Variants in SAP130 observed in about 807,000 individuals in gnomAD.
SAP130 encodes the protein Sin3A associated protein 130, also known as histone deacetylase complex subunit SAP130.
Under a neutral mutation model 103.2 loss-of-function variants are expected in SAP130, and 16 were observed. The observed-to-expected ratio is 0.16, with a 90% confidence interval of 0.10 to 0.24. The LOEUF (loss-of-function observed/expected upper bound fraction) is 0.24, where lower values mean the gene tolerates loss of function less well. Among genes scored for constraint, SAP130 ranks in the 10% least tolerant of loss-of-function variants. The probability of loss-of-function intolerance (pLI) is 1.00; values close to 1 mark genes in which losing one functional copy is unlikely to be tolerated. For synonymous variants in SAP130, 477 were observed against 497.0 expected, an observed-to-expected ratio of 0.96 and a Z score of 0.53; for missense variants, 990 against 1,359.7, an observed-to-expected ratio of 0.73 and a Z score of 4.28.
At chr2:127,954,108 A>G (rs1296303437) in intron 16 of SAP130, among the ~76,000 whole-genome samples, 1 of 152,214 alleles carries the variant, frequency 6.6e-6, no homozygotes, top group East Asian at 1.9e-4. Flanking sequence ...GAGTAGCATA[A>G]CTGAGGGTGC....
intron 2 of SAP130, among the ~76,000 whole-genome samples, chr2:128,021,170 C>T (rs373401491): frequency 5.3e-5 from 8 of 151,962 alleles, no homozygotes; most frequent in Admixed American, 4.6e-4. Context: ...GTGATGTGGC[C>T]GGGCGTGGTG....
chr2:127,944,347 A>T (rs1678916758), intron 19 of SAP130, among the ~76,000 whole-genome samples: 1 of 152,010 alleles, frequency 6.6e-6, no homozygotes, highest in Admixed American at 6.6e-5. Flanking sequence ...CTTATGTTCT[A>T]TTAAAAAAAA....
chr2:128,000,243 C>T (rs1683458576), intron 8 of SAP130, 64 bp downstream of exon 8: 2 of 1,609,970 alleles, frequency 1.2e-6, no homozygotes, highest in Non-Finnish European at 1.7e-6. Flanking sequence ...GCCCTCAGCA[C>T]ATTTTGCCCA....
chr2:128,006,758 T>C (rs1684004437), intron 7 of SAP130, among the ~76,000 whole-genome samples: 1 of 152,226 alleles, frequency 6.6e-6, no homozygotes, highest in Admixed American at 6.5e-5. Flanking sequence ...CCAACCTGGC[T>C]GGCGGAGCAA....
chr2:128,027,275 C>T (rs1239491561), intron 1 of SAP130: 4 of 1,170,008 alleles, frequency 3.4e-6, no homozygotes, highest in South Asian at 4.3e-5. Context: ...ACCCGGCCGC[C>T]GCTGTGCTCG....
chr2:128,001,984 T>C (rs1559086498), intron 7 of SAP130, among the ~76,000 whole-genome samples: 3 of 151,918 alleles, frequency 2.0e-5, no homozygotes, highest in East Asian at 3.9e-4. Context: ...TGGAGTGCAA[T>C]GGCATGATCT....
intron 15 of SAP130, among the ~76,000 whole-genome samples, chr2:127,965,528 G>A (rs960941881): frequency 5.3e-5 from 8 of 152,114 alleles, no homozygotes; most frequent in Non-Finnish European, 7.4e-5. Context: ...GGTGGCTCAC[G>A]CCTGTAATCC....
At chr2:128,024,718 A>AG (rs1685385626) in intron 2 of SAP130, among the ~76,000 whole-genome samples, 1 of 150,668 alleles carries the variant, frequency 6.6e-6, no homozygotes, top group Non-Finnish European at 1.5e-5. Context: ...AAATGCGAAA[A>AG]AAAAAAAAAA....
Position 127,986,629 on chromosome 2 carries a change from G to GAAT in SAP130, c.1958+153_1958+155dup, listed in dbSNP as rs1248637283. 6.6e-6 allele frequency among the ~76,000 whole-genome samples: 1 copy of GAAT among 152,194 alleles called. No individual in the cohort carries two copies. On this transcript the variant is annotated intron_variant, in intron 14 of 20. Transcript: ENST00000643581. The surrounding 1 kb of genome is among the most constrained non-coding windows in gnomAD (Gnocchi z 4.7). ...AGTCTCAGCTGGGTAAGGCTCTACT[G>GAAT]AATAATCCTGTGGTCAAGTTGTTTT...
intron 10 of SAP130, 68 bp downstream of exon 10, chr2:127,999,673 T>C (rs181618479): frequency 1.5e-5 from 11 of 746,112 alleles, no homozygotes; most frequent in African/African-American, 1.1e-4. Context: ...GCCATCACCA[T>C]GAAGGCCTAG....
At chr2:127,974,247 G>A (rs954282128) in intron 15 of SAP130, among the ~76,000 whole-genome samples, 1 of 152,040 alleles carries the variant, frequency 6.6e-6, no homozygotes, top group African/African-American at 2.4e-5. Flanking sequence ...ACCCTCCAAT[G>A]GCTCTCCGTC....
At chr2:127,975,147 CTGG>C (rs1681368849) in intron 15 of SAP130, among the ~76,000 whole-genome samples, 1 of 152,198 alleles carries the variant, frequency 6.6e-6, no homozygotes, top group South Asian at 2.1e-4. Flanking sequence ...CTTCTTAAGT[CTGG>C]TAATGATCAA....
chr2:127,981,949 A>T (rs1293448929), intron 14 of SAP130, among the ~76,000 whole-genome samples: 1 of 152,220 alleles, frequency 6.6e-6, no homozygotes, highest in Non-Finnish European at 1.5e-5. Context: ...AAGCAGCTCA[A>T]TAAAGCTTGC....
intron 15 of SAP130, among the ~76,000 whole-genome samples, chr2:127,970,950 T>C (rs1438315868): frequency 6.6e-6 from 1 of 151,980 alleles, no homozygotes; most frequent in Non-Finnish European, 1.5e-5. Flanking sequence ...TTCTTTTATC[T>C]TTCTCTCTTT....
chr2:127,981,256 C>T (rs1051687917), intron 14 of SAP130, among the ~76,000 whole-genome samples: 16 of 151,906 alleles, frequency 1.1e-4, no homozygotes, highest in Non-Finnish European at 2.1e-4. Flanking sequence ...CTCCAGGATG[C>T]GGGTAAAGAC....
intron 18 of SAP130, among the ~76,000 whole-genome samples, chr2:127,948,950 T>C (rs1465183847): frequency 6.6e-6 from 1 of 152,202 alleles, no homozygotes; most frequent in Non-Finnish European, 1.5e-5. Flanking sequence ...AGATGTTTAG[T>C]GGTTCATATC....
Position 128,011,573 on chromosome 2 carries a change from G to A in SAP130, c.745-1180C>T, listed in dbSNP as rs571495716. Among the ~76,000 whole-genome samples, 31 of 152,200 alleles carry A rather than the reference G, an allele frequency of 2.0e-4. 1 individual carries two copies. The highest frequency in any genetic ancestry group is 3.3e-4 in the Admixed American group (5 of 15,278). ...TCGGGAGCTCCTTGTCTTGGTTCTC[G>A]TCTTCCTCCAACCCTTCATATGTAT... is the stretch of plus-strand genomic sequence containing the variant. On this transcript the variant is annotated intron_variant, in intron 6 of 20. Coordinates refer to ENST00000643581, the MANE Select transcript of SAP130 (RefSeq NM_001330301.2).
At chr2:128,010,629 G>A (rs1458546496) in intron 6 of SAP130, among the ~76,000 whole-genome samples, 1 of 152,116 alleles carries the variant, frequency 6.6e-6, no homozygotes, top group Non-Finnish European at 1.5e-5. Flanking sequence ...GGAGGCTGAG[G>A]TGGGCAGATC....
intron 14 of SAP130, among the ~76,000 whole-genome samples, chr2:127,979,089 G>A (rs1681679233): frequency 6.6e-6 from 1 of 152,194 alleles, no homozygotes; most frequent in South Asian, 2.1e-4. Context: ...AGTTTTGGAT[G>A]TAGAGTTTAG....
Sources: allele counts gnomAD v4.1 joint callset (sites outside exome capture counted in the v4.1 genomes callset), GRCh38; gene constraint gnomAD v4.1.1; non-coding constraint Gnocchi (gnomAD v3.1); transcripts MANE v1.5; gene names NCBI Gene and HGNC (gene_info 2026-07-23, HGNC 2026-07-21).